Variants in LTBP1 observed in about 807,000 individuals in gnomAD.
LTBP1 encodes the protein latent-transforming growth factor beta-binding protein 1.
A neutral mutation model predicts 207.6 loss-of-function variants in LTBP1; 129 were observed. The observed-to-expected ratio is 0.62, with a 90% CI of 0.54 to 0.72. The LOEUF is 0.72. Ranked by LOEUF, LTBP1 falls within the 30% of genes least tolerant of loss-of-function variation. The pLI, the probability that LTBP1 is intolerant of heterozygous loss-of-function variation, is 0.00. For missense variants in LTBP1, 2,281 were observed against 2,217.2 expected, an observed-to-expected ratio of 1.03 and a Z score of -0.58; for synonymous variants, 963 against 833.7, an observed-to-expected ratio of 1.16 and a Z score of -2.67.
chr2:33,174,926 A>T (rs34834359), intron 5 of LTBP1, among the ~76,000 whole-genome samples: 71,941 of 145,724 alleles, frequency 0.49, 17,221 homozygotes, highest in Non-Finnish European at 0.5. Context: ...CTATTTAATA[A>T]ATGGTGCTGG....
At position 33,299,409 on chromosome 2, in the gene LTBP1, G is replaced by A. The variant is rs569503328; in HGVS notation, c.3236-1042G>A. On this transcript the variant is annotated intron_variant, in intron 20 of 33. Transcript: ENST00000404816. Reference sequence around the variant, plus strand: ...AGTCATACATTGATCTATAGGACATGGTTTTTAAAAAACAAATCCCTCTAT... The same window carrying A: ...AGTCATACATTGATCTATAGGACATAGTTTTTAAAAAACAAATCCCTCTAT... Among the ~76,000 whole-genome samples the A allele has an allele frequency of 2.6e-5, 4 of 152,198 alleles. No homozygotes were observed. In the East Asian group the frequency reaches 7.7e-4, roughly 29 times the overall value.
At chr2:33,207,724 C>A (rs1013710060) in intron 7 of LTBP1, among the ~76,000 whole-genome samples, 1 of 152,142 alleles carries the variant, frequency 6.6e-6, no homozygotes, top group Non-Finnish European at 1.5e-5. Context: ...GTTGCACTAG[C>A]GATAGGGGTT....
At chr2:32,958,839 C>T (rs1203487648) in intron 2 of LTBP1, among the ~76,000 whole-genome samples, 1 of 152,210 alleles carries the variant, frequency 6.6e-6, no homozygotes, top group Non-Finnish European at 1.5e-5. Context: ...TACTCTGTTT[C>T]CTCCTGCCTT....
At chr2:33,314,186 G>A (rs2094229376) in intron 23 of LTBP1, among the ~76,000 whole-genome samples, 1 of 152,214 alleles carries the variant, frequency 6.6e-6, no homozygotes, top group Admixed American at 6.5e-5. Context: ...TGTGTGGTAG[G>A]CACTGCCCTG....
At chr2:33,117,257 T>A (rs2080802271) in intron 4 of LTBP1, among the ~76,000 whole-genome samples, 2 of 152,162 alleles carry the variant, frequency 1.3e-5, no homozygotes, top group South Asian at 4.1e-4. Context: ...GGCCTCTTCT[T>A]TCTAACTTTT....
chr2:33,353,059 A>G lies in LTBP1; in HGVS notation c.4000+5549A>G, dbSNP rs2094805058. ...AGTGGTGTGATCTTGGCTCATCACAACCTCCACCTTCTGAGTTCAAGTGAT... is the reference window on the plus strand; with the variant it reads ...AGTGGTGTGATCTTGGCTCATCACAGCCTCCACCTTCTGAGTTCAAGTGAT... On this transcript the variant is annotated intron_variant, in intron 26 of 33. Transcript: ENST00000404816. Among the ~76,000 whole-genome samples the G allele has an allele frequency of 2.8e-5, 4 of 143,604 alleles. No homozygotes were observed. The Admixed American group carries it at 2.9e-4, about 10-fold the overall frequency. The allele number at this position is 143,604 out of a possible 152,430, so 94.2% of individuals were successfully genotyped here.
intron 4 of LTBP1, among the ~76,000 whole-genome samples, chr2:33,124,195 G>C (rs994686844): frequency 1.3e-5 from 2 of 152,186 alleles, no homozygotes; most frequent in Non-Finnish European, 2.9e-5. Context: ...GATCACTTCA[G>C]GTCAGGAGTT....
chr2:33,262,447 T>G (rs2093041744), intron 13 of LTBP1, among the ~76,000 whole-genome samples: 1 of 152,010 alleles, frequency 6.6e-6, no homozygotes, highest in Non-Finnish European at 1.5e-5. Context: ...AGATCAGACT[T>G]TGGGCCTCAG....
chr2:33,008,888 A>G (rs954954127), intron 2 of LTBP1, among the ~76,000 whole-genome samples: 1 of 152,228 alleles, frequency 6.6e-6, no homozygotes, highest in Non-Finnish European at 1.5e-5. Context: ...AGGTGGGGAC[A>G]CAGCCAGTGC....
rs886794341 is a variant in LTBP1, at chr2:33,398,291, G to T, written c.4985-73G>T. 11 of 1,429,000 alleles carry T rather than the reference G, an allele frequency of 7.7e-6. No homozygotes were observed. In the African/African-American group the frequency reaches 1.6e-4, roughly 20 times the overall value. The allele number at this position is 1,429,000 out of a possible 1,614,324, so 88.5% of individuals were successfully genotyped here. ...GGGGTGGTCGGGGGAAGGGCCTCAGGTAAGCCTCAGGTTATGTGTCCTCAC... is the reference window on the plus strand; with the variant it reads ...GGGGTGGTCGGGGGAAGGGCCTCAGTTAAGCCTCAGGTTATGTGTCCTCAC... On this transcript the variant is annotated intron_variant, in intron 33 of 33. Transcript: ENST00000404816.
intron 4 of LTBP1, among the ~76,000 whole-genome samples, chr2:33,133,387 C>T (rs755313825): frequency 6.6e-5 from 10 of 152,130 alleles, no homozygotes; most frequent in Non-Finnish European, 1.3e-4. Context: ...CATGGAGTGG[C>T]GTCAGAAGGG....
intron 2 of LTBP1, among the ~76,000 whole-genome samples, chr2:32,991,691 A>G (rs972316992): frequency 6.6e-5 from 10 of 152,166 alleles, no homozygotes; most frequent in Non-Finnish European, 1.3e-4. Context: ...CAAAACAGAG[A>G]GGGATGGCTT....
At chr2:33,014,401 G>A (rs1688070609) in intron 2 of LTBP1, among the ~76,000 whole-genome samples, 1 of 152,146 alleles carries the variant, frequency 6.6e-6, no homozygotes, top group African/African-American at 2.4e-5. Context: ...TATATTTCTT[G>A]TGATCTGATA....
In LTBP1 at chr2:33,363,400, A is replaced by G. The variant is rs1465525957; in HGVS notation, c.4281A>G (p.Glu1427=). ...AGGENYKDAD[E]CLLFGQEICK... is the part of the protein sequence containing the mutation. ...TTTTTTTCCCCGTAGATGCAGATGA[A>G]TGCCTACTTTTTGGACAAGAAATCT... is the stretch of plus-strand genomic sequence containing the variant. The change falls in exon 29 of 34, where the codon GAA becomes GAG. Residue 1427 remains glutamate, a synonymous_variant. Transcript: ENST00000404816. 1 of 1,613,782 alleles carries G rather than the reference A, an allele frequency of 6.2e-7. No homozygotes were observed. Among genetic ancestry groups the G allele is most frequent in the Non-Finnish European group, 8.5e-7 (1 of 1,179,724 alleles).
intron 5 of LTBP1, among the ~76,000 whole-genome samples, chr2:33,182,712 A>ACACACC (rs2086782301): frequency 9.6e-6 from 1 of 104,506 alleles, no homozygotes; most frequent in Non-Finnish European, 2.1e-5. Flanking sequence ...ACACACACAC[A>ACACACC]CACACACACA....
intron 11 of LTBP1, among the ~76,000 whole-genome samples, chr2:33,254,864 T>TGTTG (rs2092799534): frequency 1.8e-5 from 2 of 110,884 alleles, no homozygotes; most frequent in African/African-American, 6.7e-5. Flanking sequence ...TTTTTTTTTT[T>TGTTG]TTTTTTTTTT....
At chr2:33,313,544 T>C (rs2094217280) in intron 23 of LTBP1, among the ~76,000 whole-genome samples, 1 of 152,202 alleles carries the variant, frequency 6.6e-6, no homozygotes, top group Non-Finnish European at 1.5e-5. Flanking sequence ...GCAGTATTCA[T>C]GTGGGTTCCT....
At chr2:33,123,446 A>G (rs1246020408) in intron 4 of LTBP1, among the ~76,000 whole-genome samples, 2 of 151,912 alleles carry the variant, frequency 1.3e-5, no homozygotes, top group Non-Finnish European at 2.9e-5. Context: ...GTGTGTAAGT[A>G]CATAGCAGGC....
intron 23 of LTBP1, 121 bp from the exon 24 acceptor site, chr2:33,315,023 A>T: frequency 1.3e-6 from 1 of 752,936 alleles, no homozygotes; most frequent in Non-Finnish European, 2.1e-6. Flanking sequence ...CAAATGGTAT[A>T]GTTGTTCCAC....
Sources: gnomAD v4.1 joint callset for allele counts (sites outside exome capture counted in the v4.1 genomes callset) on GRCh38, gnomAD v4.1.1 for gene constraint, MANE v1.5 for transcripts, NCBI Gene and HGNC (gene_info 2026-07-23, HGNC 2026-07-21) for gene names.